Variants in TMEM106B observed in about 807,000 individuals in gnomAD.
The protein encoded by TMEM106B is transmembrane protein 106B.
TMEM106B carries 15 observed loss-of-function variants against 31.1 expected under a neutral mutation model. The observed-to-expected ratio is 0.48, with a 90% CI of 0.32 to 0.74. The LOEUF (loss-of-function observed/expected upper bound fraction) is 0.74, where lower values mean the gene tolerates loss of function less well. TMEM106B is among the 30% of genes least tolerant of loss of function. The pLI is 0.03. For synonymous variants in TMEM106B, 126 were observed against 112.5 expected, an observed-to-expected ratio of 1.12 and a Z score of -0.76; for missense variants, 283 against 327.3, an observed-to-expected ratio of 0.86 and a Z score of 1.04.
intron 1 of TMEM106B, 52 bp from the exon 2 acceptor site, chr7:12,214,757 T>A (rs1781653071): frequency 7.2e-7 from 1 of 1,384,200 alleles, no homozygotes; most frequent in African/African-American, 1.4e-5. Context: ...AGAGTGTTCT[T>A]GAATGTACTT....
chr7:12,214,774 C>G (rs1210510565), intron 1 of TMEM106B, 35 bp from the exon 2 acceptor site: 2 of 1,518,194 alleles, frequency 1.3e-6, no homozygotes, highest in South Asian at 1.2e-5. Context: ...ACTTTTTTCC[C>G]TGAAGTTTAC....
chr7:12,229,534 T>G, intron 4 of TMEM106B, 145 bp from the exon 5 acceptor site: 1 of 656,498 alleles, frequency 1.5e-6, no homozygotes, highest in Non-Finnish European at 2.5e-6. Context: ...AACCAAATAA[T>G]TGGTTTAATT....
intron 2 of TMEM106B, among the ~76,000 whole-genome samples, chr7:12,215,334 G>A (rs1298336201): frequency 6.6e-6 from 1 of 151,680 alleles, no homozygotes; most frequent in African/African-American, 2.4e-5. Flanking sequence ...CTGTAGAGAT[G>A]ACATCATAGT....
chr7:12,222,762 C>G (rs1415950652), intron 3 of TMEM106B, among the ~76,000 whole-genome samples: 2 of 152,190 alleles, frequency 1.3e-5, no homozygotes, highest in African/African-American at 4.8e-5. Context: ...GTAGCAGTGA[C>G]TTAGCAAATT....
Position 12,213,065 on chromosome 7 carries a change from C to A in TMEM106B, c.-3+1640C>A, listed in dbSNP as rs532756544. On this transcript the variant is annotated intron_variant, in intron 1 of 7. Coordinates refer to ENST00000396668, the MANE Select transcript of TMEM106B (RefSeq NM_001134232.2). ...TCTTTTCAGCTTTAAAAGGGTATGA[C>A]CTTAAGTATAAAGTTACTTCATTAT... is the stretch of plus-strand genomic sequence containing the variant. 2.0e-5 allele frequency among the ~76,000 whole-genome samples: 3 copies of A among 152,070 alleles called. No individual in the cohort carries two copies. In the East Asian group the frequency reaches 5.8e-4, roughly 29 times the overall value.
chr7:12,214,733 A>G lies in TMEM106B; in HGVS notation c.-2-76A>G, dbSNP rs958724998. 2.6e-6 allele frequency: 3 copies of G among 1,148,478 alleles called. No homozygotes were observed. In the African/African-American group the frequency reaches 4.7e-5, roughly 18 times the overall value. 71.1% of individuals were successfully genotyped at this position (1,148,478 alleles called of 1,614,324 possible). On this transcript the variant is annotated intron_variant, in intron 1 of 7. Coordinates refer to ENST00000396668, the MANE Select transcript of TMEM106B (RefSeq NM_001134232.2). ...GTTCCTTGACTGTTCTAAATTAATTAGTGTAAATATCTCAGAGTGTTCTTG... is the reference window on the plus strand; with the variant it reads ...GTTCCTTGACTGTTCTAAATTAATTGGTGTAAATATCTCAGAGTGTTCTTG...
intron 2 of TMEM106B, among the ~76,000 whole-genome samples, chr7:12,216,824 C>G (rs1781696047): frequency 1.3e-5 from 2 of 152,108 alleles, no homozygotes; most frequent in Non-Finnish European, 1.5e-5. Context: ...AGACTGAGAA[C>G]TGGCCATTGG....
chr7:12,212,710 T>C (rs942333807), intron 1 of TMEM106B, among the ~76,000 whole-genome samples: 2 of 152,208 alleles, frequency 1.3e-5, no homozygotes, highest in Admixed American at 6.5e-5. Flanking sequence ...TCAGAGCCCT[T>C]AGTGCATCCA....
At position 12,231,987 on chromosome 7, in the gene TMEM106B, G is replaced by T. The variant is rs750125103; in HGVS notation, c.*12G>T. 11 of 1,607,782 alleles carry T rather than the reference G, an allele frequency of 6.8e-6. No homozygotes were observed. In the East Asian group the frequency reaches 2.5e-4, roughly 36 times the overall value. On this transcript the variant is annotated 3_prime_UTR_variant, in exon 8 of 8. Transcript: ENST00000396668. The stretch of plus-strand genomic sequence containing the variant: ...AGCCACAACAGTAAAAACTGGAAGA[G>T]ATGGATTTAAAGAAGAAATATCTAT...
In TMEM106B at chr7:12,239,895, CAG is replaced by C. The variant is rs1316886333; in HGVS notation, c.*7924_*7925del. The C allele has an allele frequency of 6.6e-6, 1 of 152,002 alleles. No homozygotes were observed. The highest frequency in any genetic ancestry group is 1.5e-5 in the Non-Finnish European group (1 of 67,992). 9.4% of individuals were successfully genotyped at this position (152,002 alleles called of 1,614,324 possible). On this transcript the variant is annotated 3_prime_UTR_variant, in exon 8 of 8. Coordinates refer to ENST00000396668, the MANE Select transcript of TMEM106B (RefSeq NM_001134232.2). ...TATTGCAAAAATTACCAAAATGCGA[CAG>C]AGACATGAAATGAGAACATGCTGTT...
At chr7:12,211,968 A>C (rs1199913160) in intron 1 of TMEM106B, among the ~76,000 whole-genome samples, 1 of 152,216 alleles carries the variant, frequency 6.6e-6, no homozygotes, top group Non-Finnish European at 1.5e-5. Context: ...CACTGAGCCC[A>C]CAGAGGTTGC....
At chr7:12,231,345 T>C in intron 7 of TMEM106B, 1 of 409,060 alleles carries the variant, frequency 2.4e-6, no homozygotes, top group Non-Finnish European at 4.3e-6. Context: ...GTCACAAGAG[T>C]TCAGGAAAAT....
chr7:12,241,384 A>C lies in TMEM106B; in HGVS notation c.*9409A>C, dbSNP rs1028330152. 3.9e-5 allele frequency: 6 copies of C among 152,038 alleles called. No individual in the cohort carries two copies. The highest frequency in any genetic ancestry group is 1.5e-4 in the African/African-American group (6 of 41,342). 9.4% of individuals were successfully genotyped at this position (152,038 alleles called of 1,614,324 possible). A position where few individuals can be genotyped will look rare whatever the true frequency, so the allele number is the denominator to read the frequency against. On this transcript the variant is annotated 3_prime_UTR_variant, in exon 8 of 8. Transcript: ENST00000396668. ...GTCATCTACATTAGATATTTCTACT[A>C]ATGCTATCCCTCCCCTAGCCCCCTA...
chr7:12,225,445 C>CTGT (rs1554309572), intron 4 of TMEM106B, among the ~76,000 whole-genome samples: 1 of 152,208 alleles, frequency 6.6e-6, no homozygotes, highest in Non-Finnish European at 1.5e-5. Flanking sequence ...AATCACCACA[C>CTGT]TGTCTTCCAC....
chr7:12,218,219 G>A (rs1781724639), intron 2 of TMEM106B, among the ~76,000 whole-genome samples: 1 of 148,748 alleles, frequency 6.7e-6, no homozygotes, highest in African/African-American at 2.5e-5. Flanking sequence ...GGAAGAAAAA[G>A]TAAGCCCTCA....
At chr7:12,231,396 A>G (rs954418993) in intron 7 of TMEM106B, 4 of 319,450 alleles carry the variant, frequency 1.3e-5, no homozygotes, top group African/African-American at 6.5e-5. Flanking sequence ...CCAATTCCTT[A>G]CTCCCTTGAC....
Position 12,236,086 on chromosome 7 carries a change from A to C in TMEM106B, c.*4111A>C, listed in dbSNP as rs1417407126. 1.3e-5 allele frequency: 2 copies of C among 151,952 alleles called. No individual in the cohort carries two copies. The highest frequency in any genetic ancestry group is 2.9e-5 in the Non-Finnish European group (2 of 67,870). 9.4% of individuals were successfully genotyped at this position (151,952 alleles called of 1,614,324 possible). ...TAAAAAATTATTTTTACATTACAAC[A>C]ATATATTTATGATGTGTTCAGATCA... On this transcript the variant is annotated 3_prime_UTR_variant, in exon 8 of 8. Transcript: ENST00000396668.
intron 3 of TMEM106B, among the ~76,000 whole-genome samples, chr7:12,219,371 C>T (rs1173624971): frequency 6.6e-6 from 1 of 152,154 alleles, no homozygotes; most frequent in East Asian, 1.9e-4. Context: ...CAAAGCAACG[C>T]TGGCATATTC....
At chr7:12,214,706 C>A in intron 1 of TMEM106B, 103 bp from the exon 2 acceptor site, 1 of 997,460 alleles carries the variant, frequency 1.0e-6, no homozygotes, top group Non-Finnish European at 1.4e-6. Flanking sequence ...CAGAGTTTGA[C>A]TGTTCCTTGA....
Sources: gnomAD v4.1 joint callset for allele counts (sites outside exome capture counted in the v4.1 genomes callset) on GRCh38, gnomAD v4.1.1 for gene constraint, MANE v1.5 for transcripts, NCBI Gene and HGNC (gene_info 2026-07-23, HGNC 2026-07-21) for gene names.